Variants in DCLK1 observed in about 807,000 individuals in gnomAD.
DCLK1 encodes serine/threonine-protein kinase DCLK1.
DCLK1 carries 16 observed loss-of-function variants against 86.2 expected under a neutral mutation model. That is an observed-to-expected ratio of 0.19 (90% CI 0.13 to 0.28). DCLK1 has a LOEUF of 0.28. Among genes scored for constraint, DCLK1 ranks in the 10% least tolerant of loss-of-function variants. The pLI is 1.00. For missense variants in DCLK1, 590 were observed against 940.2 expected (o/e 0.63, Z 4.87); for synonymous variants, 369 against 370.5 (o/e 1.00, Z 0.05).
Position 36,099,307 on chromosome 13 carries a change from A to C in DCLK1, c.723+12562T>G, listed in dbSNP as rs548068079. ...AATGTGCTAGAAGTGTTATTAATTC[A>C]ACTATAAAATAAAACACATCTTTCA... On this transcript the variant is annotated intron_variant, in intron 3 of 16. Transcript: ENST00000360631. Among the ~76,000 whole-genome samples the C allele has an allele frequency of 2.6e-5, 4 of 152,334 alleles. No individual in the cohort carries two copies. In the South Asian group the frequency reaches 8.3e-4, roughly 32 times the overall value.
rs1181019891 is a variant in DCLK1, at chr13:35,773,825, C to T, written c.*710G>A. ...GGAAGCAGCATTTCTGGGGCGTCAT[C>T]AGTACATCTTCATGTGGAGACAATT... On this transcript the variant is annotated 3_prime_UTR_variant, in exon 17 of 17. Transcript: ENST00000360631. 1 of 152,402 alleles carries T rather than the reference C, an allele frequency of 6.6e-6. No individual in the cohort carries two copies. The highest frequency in any genetic ancestry group is 2.4e-5 in the African/African-American group (1 of 41,300). The allele number at this position is 152,402 out of a possible 1,614,324, so 9.4% of individuals were successfully genotyped here. A position where few individuals can be genotyped will look rare whatever the true frequency, so the allele number is the denominator to read the frequency against.
chr13:35,808,445 A>G, intron 13 of DCLK1, 125 bp from the exon 14 acceptor site: 1 of 848,588 alleles, frequency 1.2e-6, no homozygotes, highest in Non-Finnish European at 1.9e-6. Context: ...TGTATTTTTA[A>G]TCGATTGAAA....
At chr13:36,059,201 T>C in intron 3 of DCLK1, among the ~76,000 whole-genome samples, 1 of 152,180 alleles carries the variant, frequency 6.6e-6, no homozygotes, top group African/African-American at 2.4e-5. Flanking sequence ...AATTAGCGTC[T>C]GCGCCTCAGG....
intron 15 of DCLK1, among the ~76,000 whole-genome samples, chr13:35,798,362 T>G (rs554036421): frequency 6.6e-6 from 1 of 152,268 alleles, no homozygotes; most frequent in Non-Finnish European, 1.5e-5. Flanking sequence ...TGGATCTGGT[T>G]TGCAGTCTAT....
intron 16 of DCLK1, among the ~76,000 whole-genome samples, chr13:35,784,742 C>A (rs1289044259): frequency 6.6e-6 from 1 of 152,144 alleles, no homozygotes; most frequent in South Asian, 2.1e-4. Flanking sequence ...TCTGGCTGTC[C>A]CCGGGGACAG....
chr13:36,085,033 T>C (rs966870329), intron 3 of DCLK1, among the ~76,000 whole-genome samples: 1 of 152,214 alleles, frequency 6.6e-6, no homozygotes, highest in South Asian at 2.1e-4. Context: ...TAACAGATGT[T>C]TTAAGTATCC....
intron 4 of DCLK1, among the ~76,000 whole-genome samples, chr13:35,872,991 T>C (rs1222415959): frequency 6.6e-6 from 1 of 152,176 alleles, no homozygotes; most frequent in Non-Finnish European, 1.5e-5. Flanking sequence ...TTGTAATATG[T>C]TTATATCACA....
At chr13:35,886,374 C>T (rs574916918) in intron 4 of DCLK1, among the ~76,000 whole-genome samples, 3 of 152,024 alleles carry the variant, frequency 2.0e-5, no homozygotes, top group Non-Finnish European at 4.4e-5. Flanking sequence ...GGCAGCCAAT[C>T]GTGTTTCTGG....
chr13:35,912,736 C>T (rs1034027567), intron 4 of DCLK1, among the ~76,000 whole-genome samples: 1 of 152,154 alleles, frequency 6.6e-6, no homozygotes. Context: ...GTGCAAGTAC[C>T]CAAAAAAAGC....
intron 11 of DCLK1, among the ~76,000 whole-genome samples, chr13:35,813,201 C>G (rs2087187594): frequency 1.3e-5 from 2 of 152,160 alleles, no homozygotes; most frequent in Admixed American, 6.6e-5. Flanking sequence ...AAAATAATCT[C>G]CTGCTTTGAT....
At chr13:36,098,061 C>T (rs925109793) in intron 3 of DCLK1, among the ~76,000 whole-genome samples, 5 of 152,038 alleles carry the variant, frequency 3.3e-5, no homozygotes, top group African/African-American at 9.7e-5. Context: ...GGTAAAAAAT[C>T]GAAATTTTAG....
intron 4 of DCLK1, among the ~76,000 whole-genome samples, chr13:35,910,763 A>G (rs1309096962): frequency 6.6e-6 from 1 of 152,218 alleles, no homozygotes; most frequent in Non-Finnish European, 1.5e-5. Flanking sequence ...CAGACCAGAA[A>G]TTGCTGGAGG....
chr13:36,053,640 T>A (rs1267699886), intron 3 of DCLK1, among the ~76,000 whole-genome samples: 3 of 151,320 alleles, frequency 2.0e-5, no homozygotes, highest in South Asian at 2.1e-4. Flanking sequence ...TATATATATA[T>A]AAATTATATG....
Position 36,056,904 on chromosome 13 carries a change from A to ATATATAT in DCLK1, c.723+54964_723+54965insATATATA, listed in dbSNP as rs1370008774. Among the ~76,000 whole-genome samples the ATATATAT allele has an allele frequency of 1.1e-4, 14 of 127,458 alleles. No individual in the cohort carries two copies. The South Asian group carries it at 2.0e-3, about 18-fold the overall frequency. The allele number at this position is 127,458 out of a possible 152,430, so 83.6% of individuals were successfully genotyped here. ...GAGCAAGACTGTGACAAAAAAAAAAAAAATATATATATATATATATATACA... is the reference window on the plus strand; with the variant it reads ...GAGCAAGACTGTGACAAAAAAAAAAATATATATAAATATATATATATATATATATACA... On this transcript the variant is annotated intron_variant, in intron 3 of 16. Coordinates refer to ENST00000360631, the MANE Select transcript of DCLK1 (RefSeq NM_001330071.2).
intron 3 of DCLK1, among the ~76,000 whole-genome samples, chr13:36,018,761 T>A (rs79332781): frequency 1.3e-5 from 2 of 152,196 alleles, no homozygotes; most frequent in African/African-American, 2.4e-5. Context: ...AGTGTATCCC[T>A]TTCTCATTCA....
At chr13:35,958,130 TACTATAACCACCACCACCACC>T (rs1216267916) in intron 3 of DCLK1, among the ~76,000 whole-genome samples, 499 of 15,336 alleles carry the variant, frequency 0.033, 5 homozygotes, top group African/African-American at 0.15. Context: ...CCACTACCAC[TACTATAACCACCACCACCACC>T]ACTATAACCA....
At chr13:36,044,565 A>C (rs919422287) in intron 3 of DCLK1, among the ~76,000 whole-genome samples, 1 of 152,178 alleles carries the variant, frequency 6.6e-6, no homozygotes, top group Non-Finnish European at 1.5e-5. Context: ...CTCAAGAAAC[A>C]GATAGGTACA....
intron 6 of DCLK1, among the ~76,000 whole-genome samples, chr13:35,840,638 G>C (rs1248175752): frequency 6.6e-6 from 1 of 152,132 alleles, no homozygotes; most frequent in African/African-American, 2.4e-5. Flanking sequence ...AGTAAGCCTG[G>C]TGACTTGAGC....
chr13:35,921,365 C>T (rs996587331), intron 4 of DCLK1, among the ~76,000 whole-genome samples: 5 of 152,070 alleles, frequency 3.3e-5, no homozygotes, highest in Non-Finnish European at 5.9e-5. Context: ...CCACAACACC[C>T]CACTCTCACC....
Sources: gnomAD v4.1 joint callset for allele counts (sites outside exome capture counted in the v4.1 genomes callset) on GRCh38, gnomAD v4.1.1 for gene constraint, MANE v1.5 for transcripts, NCBI Gene and HGNC (gene_info 2026-07-23, HGNC 2026-07-21) for gene names.